SLC4A10: variants seen among roughly 807,000 people sequenced by gnomAD.
SLC4A10 encodes solute carrier family 4 member 10, also known as sodium-driven chloride bicarbonate exchanger.
A neutral mutation model predicts 137.7 loss-of-function variants in SLC4A10; 42 were observed. The ratio of observed to expected loss-of-function variants is 0.30; its 90% CI spans 0.24 to 0.39. The LOEUF is 0.39. Ranked by LOEUF, SLC4A10 falls within the 10% of genes least tolerant of loss-of-function variation. The pLI is 1.00. For synonymous variants in SLC4A10, 474 were observed against 464.1 expected, an observed-to-expected ratio of 1.02 and a Z score of -0.27; for missense variants, 925 against 1,355.0, an observed-to-expected ratio of 0.68 and a Z score of 4.98.
chr2:161,697,921 G>A (rs2042716362), intron 1 of SLC4A10, among the ~76,000 whole-genome samples: 1 of 152,074 alleles, frequency 6.6e-6, no homozygotes, highest in Non-Finnish European at 1.5e-5. Flanking sequence ...TCACAATATT[G>A]ATTTTTCCTA....
rs996102821 is a variant in SLC4A10 at position 161,904,484 on chromosome 2, C to A, written c.1618-292C>A. 5.3e-5 allele frequency among the ~76,000 whole-genome samples: 8 copies of A among 152,254 alleles called. No individual in the cohort carries two copies. In the East Asian group the frequency reaches 7.7e-4, roughly 15 times the overall value. On this transcript the variant is annotated intron_variant, in intron 13 of 26. Transcript: ENST00000446997. ...TCACAAGAGGTCCATTTGCTATGTA[C>A]CCGGGCCATGTTTCTGTCCAGACAC...
intron 1 of SLC4A10, among the ~76,000 whole-genome samples, chr2:161,679,150 G>T (rs531496758): frequency 5.9e-5 from 9 of 151,930 alleles, no homozygotes; most frequent in Admixed American, 5.3e-4. Flanking sequence ...AGTCATTCTG[G>T]TATTTAGTGA....
chr2:161,872,379 A>G lies in SLC4A10; in HGVS notation c.853A>G (p.Ser285Gly), dbSNP rs767720568. ...CAGAGAAAACAGCACTGTTGACTTTAGCAAGGTGAGCTTTTCTCCCTCTCA... is the reference window on the plus strand; with the variant it reads ...CAGAGAAAACAGCACTGTTGACTTTGGCAAGGTGAGCTTTTCTCCCTCTCA... ...VSRENSTVDF[S>G]KGLGGQQKGH... The change falls in exon 7 of 27, where the codon AGC becomes GGC. Residue 285 changes from serine to glycine, a missense_variant. Physicochemically the swap from Ser to Gly is moderately conservative, Grantham distance 56. Coordinates refer to ENST00000446997, the MANE Select transcript of SLC4A10 (RefSeq NM_001178015.2). 2 of 1,612,700 alleles carry G rather than the reference A, an allele frequency of 1.2e-6. No homozygotes were observed. The highest frequency in any genetic ancestry group is 1.7e-6 in the Non-Finnish European group (2 of 1,178,966).
intron 1 of SLC4A10, among the ~76,000 whole-genome samples, chr2:161,676,300 C>T (rs1406494228): frequency 6.6e-6 from 1 of 152,130 alleles, no homozygotes; most frequent in African/African-American, 2.4e-5. Flanking sequence ...TAGTTTATAT[C>T]CCTTCTGAAA....
intron 1 of SLC4A10, among the ~76,000 whole-genome samples, chr2:161,745,519 C>A (rs529646932): frequency 6.6e-6 from 1 of 152,128 alleles, no homozygotes; most frequent in Non-Finnish European, 1.5e-5. Flanking sequence ...TTTGAATTCT[C>A]TGTCTGAAGA....
chr2:161,983,029 C>G, intron 26 of SLC4A10, 150 bp from the exon 27 acceptor site: 1 of 621,590 alleles, frequency 1.6e-6, no homozygotes, highest in Non-Finnish European at 2.7e-6. Context: ...TTAATTGTTG[C>G]TGTCTATCTG....
At chr2:161,693,090 G>A (rs1307828751) in intron 1 of SLC4A10, among the ~76,000 whole-genome samples, 3 of 151,980 alleles carry the variant, frequency 2.0e-5, no homozygotes, top group Non-Finnish European at 4.4e-5. Flanking sequence ...TGGAGAAAAA[G>A]GCAAGTTCGA....
rs1207609960 is a variant in SLC4A10 at position 161,984,073 on chromosome 2, T to G, written c.*921T>G. 1.3e-5 allele frequency: 2 copies of G among 152,320 alleles called. No homozygotes were observed. The highest frequency in any genetic ancestry group is 3.9e-4 in the East Asian group (2 of 5,184). 9.4% of individuals were successfully genotyped at this position (152,320 alleles called of 1,614,324 possible). ...GAATGCCACATGGTGAATCATTGTA[T>G]ATGAAATTCCACTCCTGTACAGTTA... On this transcript the variant is annotated 3_prime_UTR_variant, in exon 27 of 27. Coordinates refer to ENST00000446997, the MANE Select transcript of SLC4A10 (RefSeq NM_001178015.2).
intron 16 of SLC4A10, among the ~76,000 whole-genome samples, chr2:161,944,661 A>C (rs1239662549): frequency 1.3e-5 from 2 of 151,640 alleles, no homozygotes; most frequent in African/African-American, 4.8e-5. Flanking sequence ...AAAGTTTCAT[A>C]TTATTTTTCA....
At chr2:161,684,622 C>T (rs753553273) in intron 1 of SLC4A10, among the ~76,000 whole-genome samples, 1 of 152,096 alleles carries the variant, frequency 6.6e-6, no homozygotes, top group African/African-American at 2.4e-5. Flanking sequence ...AGGTACTTAA[C>T]CTGATTTTGT....
chr2:161,872,231 A>G, intron 6 of SLC4A10, 62 bp from the exon 7 acceptor site: 1 of 1,290,606 alleles, frequency 7.7e-7, no homozygotes, highest in Middle Eastern at 1.9e-4. Context: ...TGCCTATTTC[A>G]CTCAGTATGT....
chr2:161,641,544 T>A (rs2035322559), intron 1 of SLC4A10, among the ~76,000 whole-genome samples: 1 of 152,140 alleles, frequency 6.6e-6, no homozygotes, highest in African/African-American at 2.4e-5. Flanking sequence ...AATTGAGTAA[T>A]CTTGTAGCAG....
chr2:161,933,724 C>T (rs556509883), intron 15 of SLC4A10, among the ~76,000 whole-genome samples: 2 of 152,270 alleles, frequency 1.3e-5, no homozygotes, highest in East Asian at 3.9e-4. Flanking sequence ...ATCCTTTCGT[C>T]CATTGATGGG....
intron 16 of SLC4A10, among the ~76,000 whole-genome samples, chr2:161,946,655 C>G (rs1292578894): frequency 6.6e-6 from 1 of 151,760 alleles, no homozygotes; most frequent in Admixed American, 6.6e-5. Flanking sequence ...AACTTTTTTT[C>G]ATTCAAAATA....
chr2:161,625,738 G>C (rs1199442766), intron 1 of SLC4A10, among the ~76,000 whole-genome samples: 1 of 152,030 alleles, frequency 6.6e-6, no homozygotes, highest in South Asian at 2.1e-4. Context: ...TTGCATCCCC[G>C]GAATCAACTG....
chr2:161,742,516 CT>C (rs2125253148), intron 1 of SLC4A10, among the ~76,000 whole-genome samples: 1 of 146,540 alleles, frequency 6.8e-6, no homozygotes, highest in South Asian at 2.2e-4. Context: ...TTTCGGCTCA[CT>C]GCAACCTCTG....
intron 3 of SLC4A10, among the ~76,000 whole-genome samples, chr2:161,839,286 A>C (rs1387157020): frequency 6.6e-6 from 1 of 152,218 alleles, no homozygotes; most frequent in African/African-American, 2.4e-5. Flanking sequence ...AGACCAGATC[A>C]GTGGTTGCTG....
intron 1 of SLC4A10, among the ~76,000 whole-genome samples, chr2:161,660,814 C>A (rs530064186): frequency 6.6e-6 from 1 of 151,290 alleles, no homozygotes; most frequent in Non-Finnish European, 1.5e-5. Flanking sequence ...CCACCACACC[C>A]AGCTAATTTT....
intron 6 of SLC4A10, among the ~76,000 whole-genome samples, chr2:161,869,228 C>G (rs2060959757): frequency 1.3e-5 from 2 of 151,564 alleles, no homozygotes; most frequent in Admixed American, 1.3e-4. Flanking sequence ...TTCTGTGAAC[C>G]ATTATTGCCT....
Sources: allele counts gnomAD v4.1 joint callset (sites outside exome capture counted in the v4.1 genomes callset), GRCh38; gene constraint gnomAD v4.1.1; transcripts MANE v1.5; gene names NCBI Gene and HGNC (gene_info 2026-07-23, HGNC 2026-07-21).